The following AGAP1 variants were observed in gnomAD, a reference collection of about 807,000 sequenced individuals.
The protein encoded by AGAP1 is ArfGAP with GTPase domain, ankyrin repeat and PH domain 1.
A neutral mutation model predicts 105.3 loss-of-function variants in AGAP1; 29 were observed. The ratio of observed to expected loss-of-function variants is 0.28; its 90% CI spans 0.21 to 0.38. AGAP1 has a LOEUF of 0.38. Ranked by LOEUF, AGAP1 falls within the 10% of genes least tolerant of loss-of-function variation. The probability of loss-of-function intolerance (pLI) is 1.00; values close to 1 mark genes in which losing one functional copy is unlikely to be tolerated. For missense variants in AGAP1, 998 were observed against 1,165.1 expected (o/e 0.86, Z 2.09); for synonymous variants, 509 against 485.9 (o/e 1.05, Z -0.63).
rs2052535407 is a variant in AGAP1 at position 235,927,996 on chromosome 2, T to G, written c.1325-2769T>G. Among the ~76,000 whole-genome samples the G allele has an allele frequency of 6.6e-6, 1 of 152,130 alleles. No homozygotes were observed. Among genetic ancestry groups the G allele is most frequent in the Non-Finnish European group, 1.5e-5 (1 of 68,010 alleles). ...ATTGGGCATTGCAGTGTGGAAGGAA[T>G]TACCTCCTTATCATCTTACCTACAC... On this transcript the variant is annotated intron_variant, in intron 11 of 17. Coordinates refer to ENST00000304032, the MANE Select transcript of AGAP1 (RefSeq NM_001037131.3). The surrounding 1 kb of genome is among the most constrained non-coding windows in gnomAD (Gnocchi z 4.4).
At position 235,712,922 on chromosome 2, in the gene AGAP1, C is replaced by T. The variant is rs188905918; in HGVS notation, c.222+3685C>T. On this transcript the variant is annotated intron_variant, in intron 2 of 17. Coordinates refer to ENST00000304032, the MANE Select transcript of AGAP1 (RefSeq NM_001037131.3). The surrounding 1 kb of genome is among the most constrained non-coding windows in gnomAD (Gnocchi z 6.0). ...ACCCCTTATTTTATTTTCCTTTCAC[C>T]ATCAACTGTTAATTTCCACCAGCGT... 6.6e-6 allele frequency among the ~76,000 whole-genome samples: 1 copy of T among 152,174 alleles called. No homozygotes were observed. Among genetic ancestry groups the T allele is most frequent in the Admixed American group, 6.5e-5 (1 of 15,288 alleles).
Position 236,055,828 on chromosome 2 carries a change from G to T in AGAP1, c.2114+6547G>T, listed in dbSNP as rs1030436731. On this transcript the variant is annotated intron_variant, in intron 16 of 17. Coordinates refer to ENST00000304032, the MANE Select transcript of AGAP1 (RefSeq NM_001037131.3). This position sits in a 1 kb window ranked among gnomAD's most constrained non-coding sequence, Gnocchi z 6.2. ...CTCTTAGCAAGCCAACTTGGAATCAGACTGAGAGAACCATAACTCACTTAG... is the reference window on the plus strand; with the variant it reads ...CTCTTAGCAAGCCAACTTGGAATCATACTGAGAGAACCATAACTCACTTAG... Among the ~76,000 whole-genome samples the T allele has an allele frequency of 5.3e-5, 8 of 152,358 alleles. 1 individual carries two copies. The South Asian group carries it at 1.7e-3, about 32-fold the overall frequency.
intron 1 of AGAP1, among the ~76,000 whole-genome samples, chr2:235,544,161 A>G (rs1943548051): frequency 1.3e-5 from 2 of 152,254 alleles, no homozygotes; most frequent in Admixed American, 6.5e-5. Flanking sequence ...TGTGAATGGC[A>G]GCATGTCTTT....
At chr2:236,118,241 G>A (rs1447295124) in intron 16 of AGAP1, among the ~76,000 whole-genome samples, 3 of 152,124 alleles carry the variant, frequency 2.0e-5, no homozygotes, top group South Asian at 2.1e-4. Flanking sequence ...TGATTTCTCC[G>A]TGTCATTTGT....
At chr2:236,098,610 TCTTTTTTTC>T (rs1458771000) in intron 16 of AGAP1, among the ~76,000 whole-genome samples, 2 of 121,718 alleles carry the variant, frequency 1.6e-5, no homozygotes, top group African/African-American at 6.2e-5. Context: ...CTTGATGAAA[TCTTTTTTTC>T]CTTTTTTTTT....
intron 1 of AGAP1, among the ~76,000 whole-genome samples, chr2:235,638,843 T>C (rs1947097976): frequency 6.6e-6 from 1 of 152,210 alleles, no homozygotes; most frequent in African/African-American, 2.4e-5. Context: ...TCAGCACTAT[T>C]GACATTTTGT....
chr2:235,603,674 C>A (rs557863805), intron 1 of AGAP1, among the ~76,000 whole-genome samples: 5 of 152,338 alleles, frequency 3.3e-5, no homozygotes, highest in Admixed American at 1.3e-4. Context: ...TGTAAATAGG[C>A]AACTTTCAGT....
intron 1 of AGAP1, among the ~76,000 whole-genome samples, chr2:235,524,822 A>C (rs952487822): frequency 1.3e-5 from 2 of 151,916 alleles, no homozygotes; most frequent in Non-Finnish European, 2.9e-5. Context: ...GAGGAGAGAA[A>C]CTCTTCAGTG....
chr2:236,078,796 G>A lies in AGAP1; in HGVS notation c.2114+29515G>A, dbSNP rs2058708885. ...AAGCTTGAGCCAGACTGGTCGTTCT[G>A]CCAGGTTGGTTGCCCACCCTCCTAC... On this transcript the variant is annotated intron_variant, in intron 16 of 17. Transcript: ENST00000304032. The surrounding 1 kb of genome is among the most constrained non-coding windows in gnomAD (Gnocchi z 5.3). Among the ~76,000 whole-genome samples the A allele has an allele frequency of 6.6e-6, 1 of 152,110 alleles. No homozygotes were observed. Among genetic ancestry groups the A allele is most frequent in the Non-Finnish European group, 1.5e-5 (1 of 68,020 alleles).
In AGAP1 at chr2:235,704,969, C is replaced by CTTTTTTT. The variant is rs969370505; in HGVS notation, c.164-4189_164-4183dup. Among the ~76,000 whole-genome samples the CTTTTTTT allele has an allele frequency of 2.1e-3, 126 of 59,732 alleles. 4 individuals carry two copies. The highest frequency in any genetic ancestry group is 2.8e-3 in the East Asian group (6 of 2,142). 39.2% of individuals were successfully genotyped at this position (59,732 alleles called of 152,430 possible). A position where few individuals can be genotyped will look rare whatever the true frequency, so the allele number is the denominator to read the frequency against. ...ATTGTAAAATACAAGATGCTTTTTTCTTTTTTTTTTTTTTTTTTTTTTTTT... is the reference window on the plus strand; with the variant it reads ...ATTGTAAAATACAAGATGCTTTTTTCTTTTTTTTTTTTTTTTTTTTTTTTTTTTTTTT... On this transcript the variant is annotated intron_variant, in intron 1 of 17. Transcript: ENST00000304032.
intron 1 of AGAP1, among the ~76,000 whole-genome samples, chr2:235,605,840 C>T (rs889053647): frequency 6.6e-6 from 1 of 152,156 alleles, no homozygotes; most frequent in East Asian, 1.9e-4. Context: ...GGTGTACGCC[C>T]TGTGTTGCCA....
At position 236,109,459 on chromosome 2, in the gene AGAP1, G is replaced by A. The variant is rs2059588527; in HGVS notation, c.2115-10733G>A. ...AATAAATTATAGATAGTTTTGATAG[G>A]GAAGAAGAGGAGGAAGGAAAAACTG... On this transcript the variant is annotated intron_variant, in intron 16 of 17. Coordinates refer to ENST00000304032, the MANE Select transcript of AGAP1 (RefSeq NM_001037131.3). This position sits in a 1 kb window ranked among gnomAD's most constrained non-coding sequence, Gnocchi z 5.4. 6.6e-6 allele frequency among the ~76,000 whole-genome samples: 1 copy of A among 152,036 alleles called. No homozygotes were observed. Among genetic ancestry groups the A allele is most frequent in the African/African-American group, 2.4e-5 (1 of 41,386 alleles).
Position 236,005,892 on chromosome 2 carries a change from T to A in AGAP1, c.1646-30669T>A, listed in dbSNP as rs1034443409. On this transcript the variant is annotated intron_variant, in intron 13 of 17. Coordinates refer to ENST00000304032, the MANE Select transcript of AGAP1 (RefSeq NM_001037131.3). The surrounding 1 kb of genome is among the most constrained non-coding windows in gnomAD (Gnocchi z 4.1). ...TGACTTGAGGTAGTGTCTGTCAAGT[T>A]ATTCTGCTGTAAAGTCATTGTGCCC... 6.6e-6 allele frequency among the ~76,000 whole-genome samples: 1 copy of A among 152,218 alleles called. No individual in the cohort carries two copies. The highest frequency in any genetic ancestry group is 1.5e-5 in the Non-Finnish European group (1 of 68,040).
At chr2:235,917,521 G>C (rs538731176) in intron 11 of AGAP1, among the ~76,000 whole-genome samples, 1 of 152,040 alleles carries the variant, frequency 6.6e-6, no homozygotes, top group South Asian at 2.1e-4. Flanking sequence ...CGGCTCTAAA[G>C]ATGGGTCATA....
rs1178096333 is a variant in AGAP1, at chr2:235,663,476, A to AT, written c.164-45702dup. On this transcript the variant is annotated intron_variant, in intron 1 of 17. Transcript: ENST00000304032. The surrounding 1 kb of genome is among the most constrained non-coding windows in gnomAD (Gnocchi z 5.4). ...TGGGCACAGATAAAAGAGTTTTCAG[A>AT]TATCTCTGCAGCCAAATCCCAAATG... Among the ~76,000 whole-genome samples the AT allele has an allele frequency of 6.6e-6, 1 of 152,174 alleles. No homozygotes were observed.
At chr2:235,762,303 C>G (rs1293634619) in intron 6 of AGAP1, among the ~76,000 whole-genome samples, 1 of 152,070 alleles carries the variant, frequency 6.6e-6, no homozygotes, top group Non-Finnish European at 1.5e-5. Flanking sequence ...GAAAGGGTGG[C>G]TTTGTCTCAT....
At position 235,535,834 on chromosome 2, in the gene AGAP1, G is replaced by T. The variant is rs565830742; in HGVS notation, c.163+40985G>T. 1.3e-5 allele frequency among the ~76,000 whole-genome samples: 2 copies of T among 151,990 alleles called. No individual in the cohort carries two copies. Among genetic ancestry groups the T allele is most frequent in the Non-Finnish European group, 2.9e-5 (2 of 68,026 alleles). On this transcript the variant is annotated intron_variant, in intron 1 of 17. Transcript: ENST00000304032. This position sits in a 1 kb window ranked among gnomAD's most constrained non-coding sequence, Gnocchi z 5.1. The stretch of plus-strand genomic sequence containing the variant: ...CGGCTCTGCTTTCCAGAACCTTCTG[G>T]GAGTGGCAGACACACATTAGGAGTC...
At chr2:235,504,484 G>A (rs1201228880) in intron 1 of AGAP1, among the ~76,000 whole-genome samples, 1 of 151,644 alleles carries the variant, frequency 6.6e-6, no homozygotes, top group Non-Finnish European at 1.5e-5. Flanking sequence ...TGCCTGTTTC[G>A]GGGGCTGTCA....
At chr2:235,686,665 A>ATATATAGATATATATATATATATATTTT (rs1369766503) in intron 1 of AGAP1, among the ~76,000 whole-genome samples, 1 of 77,492 alleles carries the variant, frequency 1.3e-5, no homozygotes, top group Non-Finnish European at 2.2e-5. Context: ...ATATATATAT[A>ATATATAGATATATATATATATATATTTT]TTTTTTTTTT....
Sources: allele counts gnomAD v4.1 joint callset (sites outside exome capture counted in the v4.1 genomes callset), GRCh38; gene constraint gnomAD v4.1.1; non-coding constraint Gnocchi (gnomAD v3.1); transcripts MANE v1.5; gene names NCBI Gene and HGNC (gene_info 2026-07-23, HGNC 2026-07-21).